The following CCDC160 variants were observed in gnomAD, a reference collection of about 807,000 sequenced individuals.
CCDC160 encodes coiled-coil domain-containing protein 160.
For missense variants in CCDC160, 227 were observed against 215.6 expected, an observed-to-expected ratio of 1.05 and a Z score of -0.33; for synonymous variants, 94 against 79.4, an observed-to-expected ratio of 1.18 and a Z score of -0.98.
At chrX:134,244,723 T>C (rs1240682060) in intron 1 of CCDC160, 54 bp from the exon 3 acceptor site, 24 of 1,022,427 alleles carry the variant, frequency 2.3e-5, no homozygotes, top group Non-Finnish European at 3.1e-5. Context: ...TTCTACTATA[T>C]TAGCTACTAG....
At chrX:134,242,881 T>C (rs2077031757) in intron 1 of CCDC160, among the ~76,000 whole-genome samples, 1 of 111,225 alleles carries the variant, frequency 9.0e-6, no homozygotes, top group African/African-American at 3.3e-5. Context: ...ATTAGAAGCA[T>C]TTTTATCATC....
chrX:134,244,367 A>G (rs752664527), intron 1 of CCDC160, among the ~76,000 whole-genome samples: 10 of 112,680 alleles, frequency 8.9e-5, no homozygotes, highest in African/African-American at 3.2e-4. Context: ...ATCCAAAAGA[A>G]CTAGAAAGGC....
intron 1 of CCDC160, chrX:134,243,374 C>T (rs2077033030): frequency 1.3e-6 from 1 of 747,161 alleles, no homozygotes; most frequent in South Asian, 6.9e-5. Flanking sequence ...TCCCTTCCAT[C>T]TTTTGTGGGG....
At chrX:134,244,893 T>A (rs1398010005) in exon 2 of CCDC160, 1 of 1,204,118 alleles carries the variant, frequency 8.3e-7, no homozygotes, top group Non-Finnish European at 1.1e-6. Context: ...AGCCTGAATC[T>A]TCTTCTGAAC....
chrX:134,245,673 A>T (rs762191002), exon 2 of CCDC160: 7 of 1,206,618 alleles, frequency 5.8e-6, no homozygotes, highest in Non-Finnish European at 5.6e-6. Flanking sequence ...AGAAGACCCT[A>T]CAAGCAAGAA....
chrX:134,243,362 A>T (rs1371241452), intron 1 of CCDC160: 1 of 749,664 alleles, frequency 1.3e-6, no homozygotes, highest in African/African-American at 2.3e-5. Flanking sequence ...GGGGATGGTG[A>T]GTCCCTTCCA....
At chrX:134,245,753 A>C in exon 2 of CCDC160, 1 of 1,141,687 alleles carries the variant, frequency 8.8e-7, no homozygotes, top group Non-Finnish European at 1.2e-6. Flanking sequence ...AGTATCCTTG[A>C]CCACTTTACT....
At chrX:134,244,681 T>C in intron 1 of CCDC160, 96 bp from the exon 3 acceptor site, 1 of 831,711 alleles carries the variant, frequency 1.2e-6, no homozygotes, top group Non-Finnish European at 1.6e-6. Context: ...AATGTTTAGA[T>C]TCTTCACCCG....
chrX:134,243,821 A>G (rs2077034332), intron 1 of CCDC160, among the ~76,000 whole-genome samples: 1 of 111,568 alleles, frequency 9.0e-6, no homozygotes, highest in South Asian at 3.9e-4. Flanking sequence ...AACTTCAGCT[A>G]CCAGTTGGTG....
chrX:134,237,597 G>A (rs927000603), intron 1 of CCDC160, among the ~76,000 whole-genome samples: 1 of 112,061 alleles, frequency 8.9e-6, no homozygotes, highest in Non-Finnish European at 1.9e-5. Flanking sequence ...CCAGCGACTA[G>A]GTCGGGACTG....
downstream of CCDC160, among the ~76,000 whole-genome samples, chrX:134,246,586 G>C (rs2077043867): frequency 8.9e-6 from 1 of 112,177 alleles, no homozygotes; most frequent in Non-Finnish European, 1.9e-5. Context: ...CTGTGGTGAA[G>C]TTGGATGTCA....
intron 1 of CCDC160, among the ~76,000 whole-genome samples, chrX:134,243,744 T>G (rs1012058154): frequency 8.0e-5 from 9 of 111,921 alleles, no homozygotes; most frequent in African/African-American, 2.9e-4. Flanking sequence ...TACAAATATG[T>G]TTTGGTGAAT....
In CCDC160 at chrX:134,245,464, G is replaced by T; in HGVS notation, c.664G>T (p.Glu222Ter). The change falls in exon 2 of 2, where the codon GAA becomes TAA. Residue 222 changes from glutamate (E) to a stop codon, truncating the protein, a stop_gained. Coordinates refer to ENST00000370809, the Ensembl canonical transcript of CCDC160. LOFTEE classifies it low-confidence loss of function (END_TRUNC). ...AGCAACAAATGTAAAAAACTTAAGTGAACAGCTCCAGCAAGCCAAAGAAGT... is the reference window on the plus strand; with the variant it reads ...AGCAACAAATGTAAAAAACTTAAGTTAACAGCTCCAGCAAGCCAAAGAAGT... 1 of 1,187,415 alleles carries T rather than the reference G, an allele frequency of 8.4e-7. No homozygotes were observed. Among genetic ancestry groups the T allele is most frequent in the Non-Finnish European group, 1.1e-6 (1 of 884,060 alleles).
chrX:134,246,004 AGTGTGTGTGTGT>A (rs201689931), downstream of CCDC160: 1 of 204,975 alleles, frequency 4.9e-6, no homozygotes. Context: ...CTCATATCAG[AGTGTGTGTGTGT>A]GTGTGTGTGT....
intron 1 of CCDC160, among the ~76,000 whole-genome samples, chrX:134,242,081 C>G (rs2077029089): frequency 9.0e-6 from 1 of 110,936 alleles, no homozygotes; most frequent in Non-Finnish European, 1.9e-5. Flanking sequence ...TAAAGGATAT[C>G]TTGCCAATGA....
intron 1 of CCDC160, among the ~76,000 whole-genome samples, chrX:134,243,683 G>A (rs2077033949): frequency 8.9e-6 from 1 of 112,093 alleles, no homozygotes; most frequent in African/African-American, 3.2e-5. Context: ...ACATTTGAGT[G>A]CATAGATAAA....
Position 134,244,690 on chromosome X carries a change from C to T in CCDC160, c.-24-87C>T, listed in dbSNP as rs746701213. On this transcript the variant is annotated intron_variant, in intron 1 of 1. Transcript: ENST00000370809. Reference sequence around the variant, plus strand: ...CCCTCAAATGTTTAGATTCTTCACCCGTGAGCCAGCATTTTTATTTCTTTC... The same window carrying T: ...CCCTCAAATGTTTAGATTCTTCACCTGTGAGCCAGCATTTTTATTTCTTTC... 43 of 883,088 alleles carry T rather than the reference C, an allele frequency of 4.9e-5. 1 individual carries two copies. The highest frequency in any genetic ancestry group is 2.5e-4 in the East Asian group (7 of 27,714). 72.8% of individuals were successfully genotyped at this position (883,088 alleles called of 1,213,427 possible). A position where few individuals can be genotyped will look rare whatever the true frequency, so the allele number is the denominator to read the frequency against.
exon 2 of CCDC160, chrX:134,245,346 A>G: frequency 8.4e-7 from 1 of 1,192,055 alleles, no homozygotes; most frequent in Non-Finnish European, 1.1e-6. Flanking sequence ...AAAAAGAAAT[A>G]TTCACAAAAC....
rs2077012555 is a variant in CCDC160 at position 134,237,287 on chromosome X, G to A, written c.-81G>A. ...AACGGGGGGCTGCCGCGCGCGGGTGGTGGTTGTCTTTGAGGAAGAGAGGTT... is the reference window on the plus strand; with the variant it reads ...AACGGGGGGCTGCCGCGCGCGGGTGATGGTTGTCTTTGAGGAAGAGAGGTT... On this transcript the variant is annotated 5_prime_UTR_variant, in exon 1 of 2. The change creates a new upstream start codon in the 5' untranslated region. Transcript: ENST00000370809. 1 of 113,264 alleles carries A rather than the reference G, an allele frequency of 8.8e-6. No individual in the cohort carries two copies. Among genetic ancestry groups the A allele is most frequent in the African/African-American group, 3.2e-5 (1 of 31,259 alleles). 9.3% of individuals were successfully genotyped at this position (113,264 alleles called of 1,213,427 possible).
Sources: allele counts gnomAD v4.1 joint callset (sites outside exome capture counted in the v4.1 genomes callset), GRCh38; gene constraint gnomAD v4.1.1; transcripts MANE v1.5; gene names NCBI Gene and HGNC (gene_info 2026-07-23, HGNC 2026-07-21).